The following DLG2 variants were observed in gnomAD, a reference collection of about 807,000 sequenced individuals.
DLG2 encodes the protein discs large MAGUK scaffold protein 2, also known as disks large homolog 2.
In DLG2, 45 loss-of-function variants were observed where a neutral mutation model predicts 132.5. The observed-to-expected ratio is 0.34, with a 90% CI of 0.27 to 0.44. The LOEUF (loss-of-function observed/expected upper bound fraction) is 0.44. Among genes scored for constraint, DLG2 ranks in the 20% least tolerant of loss-of-function variants. The probability of loss-of-function intolerance (pLI) is 1.00; values close to 1 mark genes in which losing one functional copy is unlikely to be tolerated. For synonymous variants in DLG2, 424 were observed against 419.6 expected (o/e 1.01, Z -0.13); for missense variants, 1,045 against 1,196.9 (o/e 0.87, Z 1.87).
intron 7 of DLG2, among the ~76,000 whole-genome samples, chr11:84,380,196 A>G (rs2154433714): frequency 6.6e-6 from 1 of 152,218 alleles, no homozygotes; most frequent in African/African-American, 2.4e-5. Flanking sequence ...GTAAGTAATA[A>G]AAGAGGAAAG....
chr11:85,124,054 C>T (rs2074762111), intron 5 of DLG2, among the ~76,000 whole-genome samples: 1 of 152,196 alleles, frequency 6.6e-6, no homozygotes, highest in Admixed American at 6.5e-5. Context: ...CAGTGTCAGA[C>T]TCCCAGAAAT....
At chr11:85,159,870 C>T (rs79654787) in intron 4 of DLG2, among the ~76,000 whole-genome samples, 2,653 of 152,272 alleles carry the variant, frequency 0.017, 74 homozygotes, top group African/African-American at 0.058. Context: ...TAGCTTTTTG[C>T]TTCCACAAGA....
intron 15 of DLG2, among the ~76,000 whole-genome samples, chr11:83,929,783 C>T (rs1591270062): frequency 6.6e-6 from 1 of 152,166 alleles, no homozygotes; most frequent in East Asian, 1.9e-4. Context: ...ATTAATTTTA[C>T]GTTCCGTGTG....
intron 17 of DLG2, among the ~76,000 whole-genome samples, chr11:83,827,050 G>A (rs542482957): frequency 3.3e-5 from 5 of 152,176 alleles, no homozygotes; most frequent in African/African-American, 1.2e-4. Context: ...AGGAAAGCAA[G>A]GTTCCTTCAT....
chr11:83,988,236 A>G (rs927779650), intron 11 of DLG2, among the ~76,000 whole-genome samples: 1 of 152,054 alleles, frequency 6.6e-6, no homozygotes, highest in Non-Finnish European at 1.5e-5. Flanking sequence ...GGTATTTCTT[A>G]GATTTTCTTC....
intron 4 of DLG2, among the ~76,000 whole-genome samples, chr11:85,282,758 T>C (rs528654655): frequency 1.3e-5 from 2 of 152,132 alleles, no homozygotes; most frequent in South Asian, 4.1e-4. Context: ...TGAAAGTTTA[T>C]GTTCTTTCGT....
In DLG2 at chr11:84,597,385, A is replaced by G. The variant is rs193221011; in HGVS notation, c.358-62654T>C. ...GACCACTATTATTATTAGACAGACT[A>G]TTTTTTTTCCAAAAAGTTGATACTG... is the stretch of plus-strand genomic sequence containing the variant. On this transcript the variant is annotated intron_variant, in intron 6 of 27. Transcript: ENST00000376104. Among the ~76,000 whole-genome samples the G allele has an allele frequency of 2.2e-3, 331 of 152,128 alleles. 3 individuals are homozygous for G. The highest frequency in any genetic ancestry group is 7.4e-3 in the African/African-American group (309 of 41,514).
intron 6 of DLG2, among the ~76,000 whole-genome samples, chr11:84,657,534 G>A (rs1219643560): frequency 6.6e-6 from 1 of 152,076 alleles, no homozygotes; most frequent in Admixed American, 6.6e-5. Flanking sequence ...TGAGAAGGGT[G>A]GGGAGACAGA....
At chr11:84,711,246 G>A (rs956210718) in intron 6 of DLG2, among the ~76,000 whole-genome samples, 2 of 150,108 alleles carry the variant, frequency 1.3e-5, no homozygotes, top group Admixed American at 6.7e-5. Context: ...AGACAAGAAT[G>A]GCCAATTAGT....
intron 6 of DLG2, among the ~76,000 whole-genome samples, chr11:84,734,015 G>C (rs1229738726): frequency 2.6e-5 from 4 of 152,168 alleles, no homozygotes; most frequent in Non-Finnish European, 5.9e-5. Flanking sequence ...TTTGGTACCA[G>C]TACCATGCTG....
At chr11:83,776,205 GA>G (rs2153801166) in intron 18 of DLG2, among the ~76,000 whole-genome samples, 1 of 152,206 alleles carries the variant, frequency 6.6e-6, no homozygotes, top group South Asian at 2.1e-4. Context: ...ATGTTTTCAG[GA>G]AAGGATGAAT....
At chr11:84,510,895 G>C (rs2099255368) in intron 7 of DLG2, among the ~76,000 whole-genome samples, 1 of 151,974 alleles carries the variant, frequency 6.6e-6, no homozygotes, top group Non-Finnish European at 1.5e-5. Flanking sequence ...AGGGAGAAGG[G>C]AGAAGGAAGA....
At chr11:84,358,357 C>T (rs1331437706) in intron 7 of DLG2, among the ~76,000 whole-genome samples, 1 of 149,512 alleles carries the variant, frequency 6.7e-6, no homozygotes, top group Non-Finnish European at 1.5e-5. Context: ...AACAGCAAGT[C>T]CCAGTATTTT....
chr11:83,503,447 ATT>A (rs144894352), intron 21 of DLG2, among the ~76,000 whole-genome samples: 4,030 of 106,122 alleles, frequency 0.038, 142 homozygotes, highest in Middle Eastern at 0.081. Flanking sequence ...GGATATATAT[ATT>A]TATACACACA....
rs534014624 is a variant in DLG2 at position 84,093,952 on chromosome 11, C to CT, written c.749+4970dup. Among the ~76,000 whole-genome samples the CT allele has an allele frequency of 2.9e-3, 428 of 145,834 alleles. 1 individual carries two copies. The highest frequency in any genetic ancestry group is 4.7e-3 in the Non-Finnish European group (311 of 65,902). On this transcript the variant is annotated intron_variant, in intron 10 of 27. Transcript: ENST00000376104. ...TAGAATGATGCTTACCACAGTGGGTCTTTTTTTTTTTATTTTTTATTTTTT... is the reference window on the plus strand; with the variant it reads ...TAGAATGATGCTTACCACAGTGGGTCTTTTTTTTTTTTATTTTTTATTTTTT...
At chr11:83,876,353 C>T (rs935080095) in intron 15 of DLG2, among the ~76,000 whole-genome samples, 4 of 152,090 alleles carry the variant, frequency 2.6e-5, no homozygotes, top group African/African-American at 4.8e-5. Context: ...TAGACCACTT[C>T]AGTTAGTCAT....
chr11:83,461,008 T>TG (rs1331742783), intron 27 of DLG2, among the ~76,000 whole-genome samples: 1 of 78,374 alleles, frequency 1.3e-5, no homozygotes, highest in Non-Finnish European at 3.2e-5. Context: ...GGTTTTTTTT[T>TG]TTTTTTTTTT....
intron 3 of DLG2, among the ~76,000 whole-genome samples, chr11:85,306,580 C>CT (rs1179513270): frequency 6.6e-6 from 1 of 151,758 alleles, no homozygotes; most frequent in African/African-American, 2.4e-5. Flanking sequence ...GTAGTTGAAC[C>CT]TTTTTTTTGA....
At chr11:84,892,166 G>C (rs541767755) in intron 6 of DLG2, among the ~76,000 whole-genome samples, 1 of 152,256 alleles carries the variant, frequency 6.6e-6, no homozygotes, top group African/African-American at 2.4e-5. Flanking sequence ...TAAATGATAT[G>C]TTGTGACACA....
Sources: allele counts gnomAD v4.1 joint callset (sites outside exome capture counted in the v4.1 genomes callset), GRCh38; gene constraint gnomAD v4.1.1; transcripts MANE v1.5; gene names NCBI Gene and HGNC (gene_info 2026-07-23, HGNC 2026-07-21).